Variants in DLC1 observed in about 807,000 individuals in gnomAD.
DLC1 encodes the protein rho GTPase-activating protein 7.
Under a neutral mutation model 140.3 loss-of-function variants are expected in DLC1, and 54 were observed. The ratio of observed to expected loss-of-function variants is 0.38; its 90% CI spans 0.31 to 0.48. The LOEUF (loss-of-function observed/expected upper bound fraction) is 0.48. DLC1 is among the 20% of genes least tolerant of loss of function. The pLI, the probability that DLC1 is intolerant of heterozygous loss-of-function variation, is 0.96. For missense variants in DLC1, 2,536 were observed against 1,907.0 expected (o/e 1.33, Z -6.14); for synonymous variants, 986 against 728.1 (o/e 1.35, Z -5.70).
intron 2 of DLC1, among the ~76,000 whole-genome samples, chr8:13,405,444 C>A (rs1837483780): frequency 6.6e-6 from 1 of 152,178 alleles, no homozygotes; most frequent in Non-Finnish European, 1.5e-5. Context: ...GGACACTTCA[C>A]TCAACACCAA....
At chr8:13,481,120 A>G (rs544325857) in intron 2 of DLC1, among the ~76,000 whole-genome samples, 1 of 152,334 alleles carries the variant, frequency 6.6e-6, no homozygotes, top group Admixed American at 6.5e-5. Context: ...CTAAAATATT[A>G]AAAATGAATA....
At chr8:13,382,529 A>AAAAAAGAAAG (rs557423876) in intron 4 of DLC1, among the ~76,000 whole-genome samples, 2,225 of 109,264 alleles carry the variant, frequency 0.02, 102 homozygotes, top group East Asian at 0.032. Flanking sequence ...AAAAAAAAAA[A>AAAAAAGAAAG]AAAGAAAGAG....
At chr8:13,401,745 G>T (rs1837310747) in intron 2 of DLC1, 126 bp from the exon 3 acceptor site, 6 of 1,231,808 alleles carry the variant, frequency 4.9e-6, no homozygotes, top group Non-Finnish European at 5.5e-6. Context: ...TAGAAGAGAA[G>T]TTCCATTCTG....
intron 2 of DLC1, among the ~76,000 whole-genome samples, chr8:13,436,394 A>C (rs1036664756): frequency 2.0e-5 from 3 of 152,212 alleles, no homozygotes; most frequent in African/African-American, 7.2e-5. Context: ...TCCAGTATTC[A>C]ATTACCTATC....
intron 5 of DLC1, among the ~76,000 whole-genome samples, chr8:13,143,850 G>GAGAGACAT (rs1395072506): frequency 4.1e-5 from 6 of 147,752 alleles, no homozygotes; most frequent in African/African-American, 1.3e-4. Context: ...GAGAGAGAGA[G>GAGAGACAT]AGACATAGAC....
At chr8:13,602,067 G>C (rs1348406460) in intron 1 of DLC1, among the ~76,000 whole-genome samples, 1 of 151,744 alleles carries the variant, frequency 6.6e-6, no homozygotes, top group African/African-American at 2.4e-5. Context: ...AAAGTACCCA[G>C]CCAAACATAA....
chr8:13,237,922 A>AAG (rs1829365447), intron 5 of DLC1, among the ~76,000 whole-genome samples: 1 of 152,170 alleles, frequency 6.6e-6, no homozygotes, highest in South Asian at 2.1e-4. Flanking sequence ...GAAAGAAGGA[A>AAG]AGAGAGAGAG....
intron 6 of DLC1, among the ~76,000 whole-genome samples, chr8:13,111,317 T>A (rs1162259906): frequency 6.6e-6 from 1 of 152,162 alleles, no homozygotes; most frequent in Non-Finnish European, 1.5e-5. Context: ...TCACATGGCA[T>A]CAAGAGCTAA....
intron 2 of DLC1, among the ~76,000 whole-genome samples, chr8:13,431,344 G>A (rs987553777): frequency 4.6e-5 from 7 of 151,566 alleles, no homozygotes; most frequent in Admixed American, 6.6e-5. Context: ...TTAGCCGGGC[G>A]AGGTGACGGG....
intron 2 of DLC1, among the ~76,000 whole-genome samples, chr8:13,420,970 C>A (rs183604840): frequency 1.3e-5 from 2 of 152,134 alleles, no homozygotes; most frequent in Admixed American, 1.3e-4. Context: ...GACGCTTTCT[C>A]TAAACCCCTT....
intron 1 of DLC1, among the ~76,000 whole-genome samples, chr8:13,536,856 C>A (rs1013607795): frequency 6.6e-6 from 1 of 152,104 alleles, no homozygotes; most frequent in Non-Finnish European, 1.5e-5. Flanking sequence ...AGTACCAGGC[C>A]ATCTGCACTT....
Position 13,098,402 on chromosome 8 carries a change from C to G in DLC1, c.3164G>C (p.Ser1055Thr), listed in dbSNP as rs570502670. 1.6e-4 allele frequency: 265 copies of G among 1,614,026 alleles called. 3 individuals carry two copies. The South Asian group carries it at 2.8e-3, about 17-fold the overall frequency. The change falls in exon 10 of 18, where the codon AGC (serine) becomes ACC (threonine). Residue 1055 changes from serine to threonine, a missense_variant. Ser to Thr is a moderately conservative substitution (Grantham distance 58). Transcript: ENST00000276297. Reference protein sequence around the residue: ...KYTPSNKHGFSWAVPKFMKRI... With the variant: ...KYTPSNKHGFTWAVPKFMKRI... ...GACTGATCATTTAAACTCTTACCAG[C>G]TAAAACCATGCTTGTTAGAAGGTGT...
intron 5 of DLC1, among the ~76,000 whole-genome samples, chr8:13,202,246 A>T (rs1373131149): frequency 6.6e-6 from 1 of 152,058 alleles, no homozygotes; most frequent in African/African-American, 2.4e-5. Context: ...GCCAGGCCTC[A>T]ATAGGGTATT....
At chr8:13,160,019 G>A (rs1322483617) in intron 5 of DLC1, among the ~76,000 whole-genome samples, 1 of 152,122 alleles carries the variant, frequency 6.6e-6, no homozygotes, top group Non-Finnish European at 1.5e-5. Flanking sequence ...TTAGCCGGGT[G>A]TCCTGGCACA....
chr8:13,232,022 C>G (rs1314143360), intron 5 of DLC1, among the ~76,000 whole-genome samples: 1 of 152,162 alleles, frequency 6.6e-6, no homozygotes, highest in African/African-American at 2.4e-5. Flanking sequence ...TTAAGACTTT[C>G]ATGAGCCATC....
At chr8:13,449,769 T>C (rs551420854) in intron 2 of DLC1, among the ~76,000 whole-genome samples, 1 of 152,224 alleles carries the variant, frequency 6.6e-6, no homozygotes, top group East Asian at 1.9e-4. Flanking sequence ...TCTGTACATA[T>C]GTAACTAACC....
intron 2 of DLC1, among the ~76,000 whole-genome samples, chr8:13,416,660 A>T (rs577099329): frequency 6.6e-6 from 1 of 152,338 alleles, no homozygotes; most frequent in Non-Finnish European, 1.5e-5. Flanking sequence ...GTTCAGATTC[A>T]TAAACCCAGG....
At chr8:13,526,173 A>G (rs145677384) in intron 1 of DLC1, among the ~76,000 whole-genome samples, 116 of 152,228 alleles carry the variant, frequency 7.6e-4, no homozygotes, top group African/African-American at 2.6e-3. Flanking sequence ...CTCTTAATCT[A>G]TTTTTCTATC....
At chr8:13,181,266 A>T (rs924298699) in intron 5 of DLC1, among the ~76,000 whole-genome samples, 5 of 150,606 alleles carry the variant, frequency 3.3e-5, no homozygotes, top group African/African-American at 1.2e-4. Flanking sequence ...CTGCTGCCTC[A>T]GCCTTCACAT....
Sources: gnomAD v4.1 joint callset for allele counts (sites outside exome capture counted in the v4.1 genomes callset) on GRCh38, gnomAD v4.1.1 for gene constraint, MANE v1.5 for transcripts, NCBI Gene and HGNC (gene_info 2026-07-23, HGNC 2026-07-21) for gene names.